Variants in MYO1E observed in about 807,000 individuals in gnomAD.
MYO1E encodes unconventional myosin-Ie.
Under a neutral mutation model 151.1 loss-of-function variants are expected in MYO1E, and 68 were observed. That is an observed-to-expected ratio of 0.45 (90% CI 0.37 to 0.55). The LOEUF (loss-of-function observed/expected upper bound fraction) is 0.55. Among genes scored for constraint, MYO1E ranks in the 20% least tolerant of loss-of-function variants. The pLI is 0.00. For missense variants in MYO1E, 1,363 were observed against 1,389.3 expected, an observed-to-expected ratio of 0.98 and a Z score of 0.30; for synonymous variants, 601 against 501.7, an observed-to-expected ratio of 1.20 and a Z score of -2.64.
At position 59,135,425 on chromosome 15, in the gene MYO1E, C is replaced by G. The variant is rs1206379715; in HGVS notation, c.*1955G>C. The G allele has an allele frequency of 2.0e-5, 3 of 152,234 alleles. No homozygotes were observed. Among genetic ancestry groups the G allele is most frequent in the Non-Finnish European group, 4.4e-5 (3 of 68,068 alleles). 9.4% of individuals were successfully genotyped at this position (152,234 alleles called of 1,614,324 possible). Reference sequence around the variant, plus strand: ...CTGAGTGCTGGTGGCTGTGGGGACTCCAGCATGCTCCTCTGTCCCAGTTCT... The same window carrying G: ...CTGAGTGCTGGTGGCTGTGGGGACTGCAGCATGCTCCTCTGTCCCAGTTCT... On this transcript the variant is annotated 3_prime_UTR_variant, in exon 28 of 28. Coordinates refer to ENST00000288235, the MANE Select transcript of MYO1E (RefSeq NM_004998.4).
chr15:59,312,913 C>T (rs1045916555), intron 1 of MYO1E, among the ~76,000 whole-genome samples: 8 of 152,152 alleles, frequency 5.3e-5, no homozygotes, highest in Non-Finnish European at 8.8e-5. Context: ...GGTGGCATGC[C>T]ACCTGTAGTC....
intron 20 of MYO1E, 89 bp from the exon 21 acceptor site, chr15:59,174,004 A>C: frequency 6.6e-7 from 1 of 1,523,028 alleles, no homozygotes; most frequent in South Asian, 1.1e-5. Context: ...AAGAAACTCT[A>C]AATGATGCAA....
At position 59,182,626 on chromosome 15, in the gene MYO1E, A is replaced by C. The variant is rs1596355363; in HGVS notation, c.1905-4089T>G. ...AGGAAAAGCTTACAGCAGGAGAGCT[A>C]AGGGAGGCATCCAAGGATACAAGCA... is the stretch of plus-strand genomic sequence containing the variant. On this transcript the variant is annotated intron_variant, in intron 18 of 27. Coordinates refer to ENST00000288235, the MANE Select transcript of MYO1E (RefSeq NM_004998.4). Among the ~76,000 whole-genome samples the C allele has an allele frequency of 2.6e-5, 4 of 152,206 alleles. No homozygotes were observed. The South Asian group carries it at 8.3e-4, about 31-fold the overall frequency.
At chr15:59,211,853 T>C (rs1362404438) in intron 12 of MYO1E, among the ~76,000 whole-genome samples, 1 of 152,080 alleles carries the variant, frequency 6.6e-6, no homozygotes, top group African/African-American at 2.4e-5. Flanking sequence ...GCCGTCTAAG[T>C]CTCTACCATG....
intron 9 of MYO1E, chr15:59,218,358 G>A (rs2079933092): frequency 1.7e-6 from 1 of 586,040 alleles, no homozygotes; most frequent in Non-Finnish European, 3.2e-6. Flanking sequence ...GATTCAAGAA[G>A]GATGGCAAAC....
intron 26 of MYO1E, among the ~76,000 whole-genome samples, chr15:59,148,585 G>T (rs191799251): frequency 6.6e-6 from 1 of 152,302 alleles, no homozygotes; most frequent in Non-Finnish European, 1.5e-5. Flanking sequence ...GAATTCCTCA[G>T]CACCATGTCT....
intron 1 of MYO1E, among the ~76,000 whole-genome samples, chr15:59,317,870 C>A (rs1387794878): frequency 6.6e-6 from 1 of 152,022 alleles, no homozygotes; most frequent in Non-Finnish European, 1.5e-5. Flanking sequence ...TACAATTGAG[C>A]TACATAACCT....
At position 59,290,292 on chromosome 15, in the gene MYO1E, T is replaced by C. The variant is rs2080411661; in HGVS notation, c.4-17843A>G. Among the ~76,000 whole-genome samples, 3 of 152,348 alleles carry C rather than the reference T, an allele frequency of 2.0e-5. No individual in the cohort carries two copies. The South Asian group carries it at 6.2e-4, about 32-fold the overall frequency. On this transcript the variant is annotated intron_variant, in intron 1 of 27. Transcript: ENST00000288235. ...GATGTCCTCTGAGAGCCAGGTTTCA[T>C]ATGCAACCCTTGAAGCTGCCTTTAG...
intron 1 of MYO1E, among the ~76,000 whole-genome samples, chr15:59,292,160 G>A (rs569335276): frequency 6.6e-6 from 1 of 152,210 alleles, no homozygotes; most frequent in South Asian, 2.1e-4. Flanking sequence ...GGCAAGGGGT[G>A]ATTTTATTTT....
At chr15:59,336,295 A>G (rs943857509) in intron 1 of MYO1E, among the ~76,000 whole-genome samples, 5 of 151,782 alleles carry the variant, frequency 3.3e-5, no homozygotes, top group African/African-American at 4.8e-5. Context: ...GCTTGAGCCC[A>G]GGAGATGGAG....
intron 1 of MYO1E, among the ~76,000 whole-genome samples, chr15:59,331,547 C>T (rs1262712424): frequency 2.6e-5 from 4 of 152,100 alleles, no homozygotes; most frequent in African/African-American, 4.8e-5. Context: ...TCCTAGAGAT[C>T]GCAATCAACT....
chr15:59,135,608 C>T lies in MYO1E; in HGVS notation c.*1772G>A, dbSNP rs4775116. ...ACTGAAGTAGCCTTTTAACATTATT[C>T]GTTACTGTTACAGAATGGAGTTTGC... On this transcript the variant is annotated 3_prime_UTR_variant, in exon 28 of 28. Transcript: ENST00000288235. The T allele has an allele frequency of 0.36, 54,959 of 152,128 alleles. 11,057 individuals are homozygous for T. The highest frequency in any genetic ancestry group is 0.54 in the African/African-American group (22,562 of 41,486). 9.4% of individuals were successfully genotyped at this position (152,128 alleles called of 1,614,324 possible). A position where few individuals can be genotyped will look rare whatever the true frequency, so the allele number is the denominator to read the frequency against.
At chr15:59,367,000 A>C (rs1242715227) in intron 1 of MYO1E, among the ~76,000 whole-genome samples, 2,348 of 11,028 alleles carry the variant, frequency 0.21, 30 homozygotes, top group African/African-American at 0.28. Context: ...ATTTTCGCAA[A>C]AAAAAAAAAA....
At chr15:59,337,762 G>A (rs2080738103) in intron 1 of MYO1E, among the ~76,000 whole-genome samples, 1 of 152,184 alleles carries the variant, frequency 6.6e-6, no homozygotes, top group Non-Finnish European at 1.5e-5. Context: ...AACCCAGGAG[G>A]TGGAGGTTGC....
intron 1 of MYO1E, among the ~76,000 whole-genome samples, chr15:59,360,421 G>A (rs2080878674): frequency 6.6e-6 from 1 of 152,082 alleles, no homozygotes; most frequent in Non-Finnish European, 1.5e-5. Flanking sequence ...GCTCAGAGGT[G>A]GGCGAAAATG....
chr15:59,157,153 G>A (rs2079513863), intron 25 of MYO1E, among the ~76,000 whole-genome samples: 1 of 152,062 alleles, frequency 6.6e-6, no homozygotes, highest in South Asian at 2.1e-4. Flanking sequence ...TTGATCCAGG[G>A]AGGCTGAGGC....
chr15:59,135,383 T>G lies in MYO1E; in HGVS notation c.*1997A>C, dbSNP rs1456546131. 2 of 152,300 alleles carry G rather than the reference T, an allele frequency of 1.3e-5. No individual in the cohort carries two copies. Among genetic ancestry groups the G allele is most frequent in the Non-Finnish European group, 2.9e-5 (2 of 68,062 alleles). The allele number at this position is 152,300 out of a possible 1,614,324, so 9.4% of individuals were successfully genotyped here. On this transcript the variant is annotated 3_prime_UTR_variant, in exon 28 of 28. Coordinates refer to ENST00000288235, the MANE Select transcript of MYO1E (RefSeq NM_004998.4). ...CAAGGGAAGATGGTCCTGGTGTTCCTGCCCTGAGAACGCAGCCTGAGTGCT... is the reference window on the plus strand; with the variant it reads ...CAAGGGAAGATGGTCCTGGTGTTCCGGCCCTGAGAACGCAGCCTGAGTGCT...
chr15:59,224,948 C>A, intron 7 of MYO1E, 125 bp from the exon 8 acceptor site: 1 of 1,313,542 alleles, frequency 7.6e-7, no homozygotes, highest in Non-Finnish European at 1.1e-6. Context: ...ACAGGCAGTC[C>A]TGGCCCCCAA....
intron 13 of MYO1E, among the ~76,000 whole-genome samples, chr15:59,210,136 G>C (rs4775129): frequency 0.013 from 1,940 of 152,082 alleles, 26 homozygotes; most frequent in Non-Finnish European, 0.022. Context: ...CCAAAGTACT[G>C]GGATTACAGG....
Sources: gnomAD v4.1 joint callset for allele counts (sites outside exome capture counted in the v4.1 genomes callset) on GRCh38, gnomAD v4.1.1 for gene constraint, MANE v1.5 for transcripts, NCBI Gene and HGNC (gene_info 2026-07-23, HGNC 2026-07-21) for gene names.